Variants in NELFA observed in about 807,000 individuals in gnomAD.
NELFA encodes the protein negative elongation factor A.
In NELFA, 35 loss-of-function variants were observed where a neutral mutation model predicts 51.8. The observed-to-expected ratio is 0.68, with a 90% CI of 0.52 to 0.90. The LOEUF (loss-of-function observed/expected upper bound fraction) is 0.90, where lower values mean the gene tolerates loss of function less well. NELFA is among the 40% of genes least tolerant of loss of function. NELFA has a pLI of 0.00. For synonymous variants in NELFA, 417 were observed against 338.4 expected (o/e 1.23, Z -2.55); for missense variants, 658 against 746.4 (o/e 0.88, Z 1.38).
chr4:1,989,624 G>T lies in NELFA; in HGVS notation c.544+84C>A, dbSNP rs62287056. On this transcript the variant is annotated intron_variant, in intron 3 of 10. Transcript: ENST00000382882. This position sits in a 1 kb window ranked among gnomAD's most constrained non-coding sequence, Gnocchi z 4.8. ...CCTGGCCCAGAACGCCACCTTGAAG[G>T]GGCAGTCTTGGTACCTTAGAACCTA... is the stretch of plus-strand genomic sequence containing the variant. 0.011 allele frequency: 16,285 copies of T among 1,431,134 alleles called. 155 individuals carry two copies. The highest frequency in any genetic ancestry group is 0.011 in the Non-Finnish European group (12,151 of 1,058,260). The allele number at this position is 1,431,134 out of a possible 1,614,324, so 88.7% of individuals were successfully genotyped here.
At chr4:1,988,095 C>T (rs953982134) in intron 3 of NELFA, 88 bp from the exon 4 acceptor site, 31 of 1,166,914 alleles carry the variant, frequency 2.7e-5, no homozygotes, top group Middle Eastern at 2.0e-4. Context: ...TGGATTCATC[C>T]GACGGCCTGA....
chr4:2,007,125 T>G (rs1405324521), intron 1 of NELFA: 1 of 435,300 alleles, frequency 2.3e-6, no homozygotes, highest in East Asian at 7.7e-5. Flanking sequence ...TGGGAAGATC[T>G]GAGGTGAGGA....
chr4:1,994,648 G>T (rs1728373373), intron 1 of NELFA, among the ~76,000 whole-genome samples: 1 of 151,790 alleles, frequency 6.6e-6, no homozygotes, highest in Non-Finnish European at 1.5e-5. Flanking sequence ...AAGGTCAGGA[G>T]ATTGAGACCA....
At chr4:1,985,710 G>C (rs1445816907) in intron 7 of NELFA, 66 bp downstream of exon 7, 1 of 1,258,194 alleles carries the variant, frequency 7.9e-7, no homozygotes, top group Non-Finnish European at 1.2e-6. Flanking sequence ...CACACTAGTG[G>C]CCACAATCGG....
chr4:2,005,977 G>A (rs772045654), intron 1 of NELFA, among the ~76,000 whole-genome samples: 13 of 152,144 alleles, frequency 8.5e-5, no homozygotes, highest in South Asian at 2.1e-4. Flanking sequence ...CAGGCTCTAC[G>A]TGTTTAAGAA....
At chr4:1,999,380 T>C (rs1008643612) in intron 1 of NELFA, among the ~76,000 whole-genome samples, 1 of 151,898 alleles carries the variant, frequency 6.6e-6, no homozygotes, top group Non-Finnish European at 1.5e-5. Context: ...GACCCATTGG[T>C]GTGCTGTATG....
chr4:1,984,237 C>T, intron 8 of NELFA, 124 bp from the exon 9 acceptor site: 1 of 1,223,874 alleles, frequency 8.2e-7, no homozygotes, highest in Non-Finnish European at 1.1e-6. Context: ...CAAGAACTCC[C>T]TGTGGCCCCC....
chr4:1,992,438 T>A (rs1317929646), intron 1 of NELFA: 2 of 427,400 alleles, frequency 4.7e-6, no homozygotes, highest in Admixed American at 5.2e-5. Flanking sequence ...AGGGCCTGCT[T>A]CGGCCACATA....
chr4:1,985,079 GGACCCCT>G (rs1728042965), intron 7 of NELFA, among the ~76,000 whole-genome samples, 160 bp from the exon 8 acceptor site: 1 of 152,170 alleles, frequency 6.6e-6, no homozygotes, highest in Non-Finnish European at 1.5e-5. Flanking sequence ...CTAGACAACG[GGACCCCT>G]GGCCCCTGGC....
At chr4:1,996,769 T>C (rs897429593) in intron 1 of NELFA, among the ~76,000 whole-genome samples, 6 of 152,088 alleles carry the variant, frequency 3.9e-5, no homozygotes, top group Non-Finnish European at 7.4e-5. Context: ...CTGTCTCTAC[T>C]AAAAATACAA....
Position 1,991,898 on chromosome 4 carries a change from C to T in NELFA, c.211-183G>A. 1.0e-5 allele frequency: 6 copies of T among 601,328 alleles called. 1 individual carries two copies. In the South Asian group the frequency reaches 1.3e-4, roughly 13 times the overall value. 37.2% of individuals were successfully genotyped at this position (601,328 alleles called of 1,614,324 possible). A position where few individuals can be genotyped will look rare whatever the true frequency, so the allele number is the denominator to read the frequency against. On this transcript the variant is annotated intron_variant, in intron 1 of 10. Coordinates refer to ENST00000382882, the MANE Select transcript of NELFA (RefSeq NM_005663.5). ...CTCACCCCAGGGCCACCTTGCTTCC[C>T]TGAGCAGCACAGCCTCTGCCAGGTT...
rs370859705 is a variant in NELFA, at chr4:1,984,003, G to T, written c.1147C>A (p.Pro383Thr). ...GGCGCCGCAGGCGTGGGTGTGGCAG[G>T]GCTCAGGCCGCTGTTGTACATGGGC... ...RAPMYNSGLS[P>T]ATPTPAAPTS... The change falls in exon 9 of 11, where the codon CCT becomes ACT. Residue 383 changes from proline to threonine, a missense_variant. By Grantham distance (38) the Pro-to-Thr change is conservative (BLOSUM62 -1). Around this residue, in one of 3 missense-constraint regions of NELFA, gnomAD observed 200 missense variants for 167.9 expected, o/e 1.19. Coordinates refer to ENST00000382882, the MANE Select transcript of NELFA (RefSeq NM_005663.5). The T allele has an allele frequency of 6.2e-7, 1 of 1,609,240 alleles. No individual in the cohort carries two copies. Among genetic ancestry groups the T allele is most frequent in the Non-Finnish European group, 8.5e-7 (1 of 1,179,622 alleles).
intron 1 of NELFA, among the ~76,000 whole-genome samples, chr4:2,007,635 C>G (rs1446014063): frequency 6.6e-6 from 1 of 152,166 alleles, no homozygotes; most frequent in African/African-American, 2.4e-5. Context: ...AAATGATTAC[C>G]TTTCCAAAAT....
chr4:1,998,273 G>A (rs184471287), intron 1 of NELFA, among the ~76,000 whole-genome samples: 87 of 152,144 alleles, frequency 5.7e-4, no homozygotes, highest in African/African-American at 1.8e-3. Context: ...CAAAAAGGGC[G>A]CAGAACTAGA....
chr4:1,984,024 T>G lies in NELFA; in HGVS notation c.1126A>C (p.Met376Leu). 6.2e-7 allele frequency: 1 copy of G among 1,607,790 alleles called. No homozygotes were observed. Among genetic ancestry groups the G allele is most frequent in the Non-Finnish European group, 8.5e-7 (1 of 1,179,460 alleles). ...GCAGGGCTCAGGCCGCTGTTGTACA[T>G]GGGCGCCCGCTGCTTGAACTGCGCT... ...LPAQFKQRAP[M>L]YNSGLSPATP... is the part of the protein sequence containing the mutation. Residue 376 changes from methionine (M) to leucine (L), a missense_variant, in exon 9 of 11, where the codon ATG becomes CTG. Transcript: ENST00000382882.
At chr4:1,983,784 G>A (rs1409379883) in intron 9 of NELFA, 64 bp downstream of exon 9, 16 of 1,593,762 alleles carry the variant, frequency 1.0e-5, no homozygotes, top group Non-Finnish European at 1.4e-5. Context: ...CCCCACGCTA[G>A]GGGAGGTGGC....
In NELFA at chr4:2,006,768, C is replaced by CAAA. The variant is rs57055347; in HGVS notation, c.210+1979_210+1981dup. 9.2e-4 allele frequency among the ~76,000 whole-genome samples: 73 copies of CAAA among 79,780 alleles called. 6 individuals are homozygous for CAAA. Among genetic ancestry groups the CAAA allele is most frequent in the East Asian group, 2.8e-3 (9 of 3,208 alleles). 52.3% of individuals were successfully genotyped at this position (79,780 alleles called of 152,430 possible). ...TGGGTGACAGAGTGAGACGCTGTCT[C>CAAA]AAAAAAAAAAAAAAAAAAAAAAAAA... On this transcript the variant is annotated intron_variant, in intron 1 of 10. Coordinates refer to ENST00000382882, the MANE Select transcript of NELFA (RefSeq NM_005663.5).
chr4:1,984,691 C>T (rs1401539757), intron 8 of NELFA, 117 bp downstream of exon 8: 5 of 703,362 alleles, frequency 7.1e-6, no homozygotes, highest in Non-Finnish European at 4.7e-6. Flanking sequence ...CTGGCTGAGG[C>T]AGAAGGGGGA....
At chr4:1,986,611 C>A in intron 4 of NELFA, 2 of 663,574 alleles carry the variant, frequency 3.0e-6, no homozygotes, top group Non-Finnish European at 4.9e-6. Flanking sequence ...GCCAAGACAC[C>A]AAACAAAGAC....
Sources: gnomAD v4.1 joint callset for allele counts (sites outside exome capture counted in the v4.1 genomes callset) on GRCh38, gnomAD v4.1.1 for gene constraint, gnomAD v4.1.1 regional missense constraint, Gnocchi (gnomAD v3.1) non-coding constraint, MANE v1.5 for transcripts, NCBI Gene and HGNC (gene_info 2026-07-23, HGNC 2026-07-21) for gene names.